MCCC2: variants seen among roughly 807,000 people sequenced by gnomAD.
MCCC2 encodes methylcrotonoyl-CoA carboxylase beta chain, mitochondrial.
Under a neutral mutation model 77.2 loss-of-function variants are expected in MCCC2, and 52 were observed. The observed-to-expected ratio is 0.67, with a 90% CI of 0.54 to 0.85. The LOEUF is 0.85. Ranked by LOEUF, MCCC2 falls within the 40% of genes least tolerant of loss-of-function variation. The pLI is 0.00. For missense variants in MCCC2, 682 were observed against 703.2 expected (o/e 0.97, Z 0.34); for synonymous variants, 253 against 248.4 (o/e 1.02, Z -0.18).
intron 6 of MCCC2, among the ~76,000 whole-genome samples, chr5:71,626,294 T>C (rs1439073962): frequency 1.3e-5 from 2 of 152,192 alleles, no homozygotes; most frequent in African/African-American, 2.4e-5. Flanking sequence ...TTATTAGACA[T>C]AAAAGTCATC....
At chr5:71,591,446 T>A (rs1744976673) in intron 1 of MCCC2, among the ~76,000 whole-genome samples, 1 of 150,228 alleles carries the variant, frequency 6.7e-6, no homozygotes, top group Non-Finnish European at 1.5e-5. Context: ...TTTTTTTTTT[T>A]TTTTTTTGAG....
chr5:71,587,478 C>T lies in MCCC2; in HGVS notation c.53C>T (p.Ala18Val). ...ALRPCARASPAGPRAYHGDSV... is the reference protein window; with the variant it reads ...ALRPCARASPVGPRAYHGDSV... ...CGGCCGTGTGCCCGCGCCTCTCCCG[C>T]CGGGCCGCGCGCCTATCACGGGGAC... The change falls in exon 1 of 17, where the codon GCC becomes GTC. Residue 18 changes from alanine to valine, a missense_variant. Physicochemically the swap from Ala to Val is moderately conservative, Grantham distance 64 (BLOSUM62 0). Transcript: ENST00000340941. The T allele has an allele frequency of 6.5e-7, 1 of 1,536,708 alleles. No homozygotes were observed. Among genetic ancestry groups the T allele is most frequent in the East Asian group, 2.4e-5 (1 of 40,972 alleles).
intron 8 of MCCC2, among the ~76,000 whole-genome samples, chr5:71,632,483 A>G (rs1746752016): frequency 6.6e-6 from 1 of 152,200 alleles, no homozygotes; most frequent in Non-Finnish European, 1.5e-5. Flanking sequence ...GGTAGATACT[A>G]TCTTTGACTT....
Position 71,649,183 on chromosome 5 carries a change from C to T in MCCC2, c.1303C>T (p.Pro435Ser). 1 of 1,614,148 alleles carries T rather than the reference C, an allele frequency of 6.2e-7. No homozygotes were observed. Among genetic ancestry groups the T allele is most frequent in the East Asian group, 2.2e-5 (1 of 44,886 alleles). Residue 435 changes from proline to serine, a missense_variant, in exon 14 of 17, where the codon CCT becomes TCT. Physicochemically the swap from Pro to Ser is moderately conservative, Grantham distance 74. Coordinates refer to ENST00000340941, the MANE Select transcript of MCCC2 (RefSeq NM_022132.5). ...GGCCGCTGTGGCCTGTGCCCAAGTG[C>T]CTAAGATAACCCTCATCATTGGGGG... is the stretch of plus-strand genomic sequence containing the variant. ...MVAAVACAQVPKITLIIGGSY... is the reference protein window; with the variant it reads ...MVAAVACAQVSKITLIIGGSY...
chr5:71,599,725 AGGT>A lies in MCCC2; in HGVS notation c.351_353del (p.Gly118del), dbSNP rs758794885. The A allele has an allele frequency of 3.7e-6, 6 of 1,614,074 alleles. No individual in the cohort carries two copies. The East Asian group carries it at 1.3e-4, about 36-fold the overall frequency. ...TATATGACAATGAGGAGGTGCCAGG[AGGT>A]GGCATTATTACAGGCATTGGAAGAG... On this transcript the variant is annotated inframe_deletion, in exon 4 of 17. Coordinates refer to ENST00000340941, the MANE Select transcript of MCCC2 (RefSeq NM_022132.5).
intron 10 of MCCC2, chr5:71,636,764 TC>T (rs1746946377): frequency 6.6e-6 from 1 of 151,952 alleles, no homozygotes; most frequent in African/African-American, 2.4e-5. Context: ...AATGAGTTGT[TC>T]CAGGTAGCCA....
chr5:71,612,348 T>C (rs750012954), intron 6 of MCCC2, among the ~76,000 whole-genome samples: 33 of 152,246 alleles, frequency 2.2e-4, no homozygotes, highest in Non-Finnish European at 4.7e-4. Context: ...TTGATTTTTC[T>C]ATCAACATAG....
intron 6 of MCCC2, among the ~76,000 whole-genome samples, chr5:71,614,077 C>T (rs1036832890): frequency 6.7e-6 from 1 of 149,116 alleles, no homozygotes; most frequent in African/African-American, 2.5e-5. Context: ...TGAGCTACTT[C>T]TCTTAGCCTT....
intron 6 of MCCC2, among the ~76,000 whole-genome samples, chr5:71,623,730 TG>T (rs1425593226): frequency 7.2e-5 from 11 of 152,330 alleles, no homozygotes; most frequent in African/African-American, 2.4e-4. Flanking sequence ...TTTAAAAGCC[TG>T]GTTACCAGAA....
chr5:71,634,697 T>G (rs1288018005), intron 8 of MCCC2, among the ~76,000 whole-genome samples: 1 of 152,190 alleles, frequency 6.6e-6, no homozygotes. Context: ...ACTTGTGGTC[T>G]TAGGTGAAGG....
At chr5:71,644,020 T>C in intron 12 of MCCC2, 125 bp downstream of exon 12, 2 of 1,104,684 alleles carry the variant, frequency 1.8e-6, no homozygotes, top group Non-Finnish European at 2.6e-6. Context: ...ACCAGAACAC[T>C]GTGTGCGCGG....
In MCCC2 at chr5:71,650,103, A is replaced by G. The variant is rs777662206; in HGVS notation, c.1408A>G (p.Ile470Val). The change falls in exon 15 of 17, where the codon ATC becomes GTC. Residue 470 changes from isoleucine to valine, a missense_variant. Ile to Val is a conservative substitution (Grantham distance 29). Coordinates refer to ENST00000340941, the MANE Select transcript of MCCC2 (RefSeq NM_022132.5). ...TCTCTACATTTGGCCAAATGCTCGT[A>G]TCTCAGTGATGGGAGGAGAGCAGGC... ...RFLYIWPNAR[I>V]SVMGGEQAAN... The G allele has an allele frequency of 3.1e-6, 5 of 1,614,192 alleles. No homozygotes were observed. The South Asian group carries it at 5.5e-5, about 18-fold the overall frequency.
chr5:71,636,363 T>C (rs1419777994), intron 10 of MCCC2: 1 of 164,940 alleles, frequency 6.1e-6, no homozygotes, highest in African/African-American at 2.4e-5. Context: ...GTTTAACTTT[T>C]AATTAATTAT....
chr5:71,615,566 C>T (rs1198825297), intron 6 of MCCC2, among the ~76,000 whole-genome samples: 2 of 152,124 alleles, frequency 1.3e-5, no homozygotes, highest in Non-Finnish European at 2.9e-5. Flanking sequence ...GTTCTGCTTT[C>T]TCAGTCAATT....
Position 71,596,319 on chromosome 5 carries a change from G to A in MCCC2, c.236G>A (p.Gly79Glu). The change falls in exon 3 of 17, where the codon GGA (glycine) becomes GAA (glutamate). Residue 79 changes from glycine (G) to glutamate (E), a missense_variant. Transcript: ENST00000340941. ...GCCCGAGCACTTCACATATCAAGAG[G>A]AAAACTATTGCCCAGAGAAAGAATT... ...EKARALHISR[G>E]KLLPRERIDN... is the part of the protein sequence containing the mutation. The A allele has an allele frequency of 6.2e-7, 1 of 1,614,116 alleles. No individual in the cohort carries two copies. The highest frequency in any genetic ancestry group is 8.5e-7 in the Non-Finnish European group (1 of 1,180,018).
chr5:71,596,113 A>G (rs917191891), intron 2 of MCCC2, among the ~76,000 whole-genome samples, 167 bp from the exon 3 acceptor site: 3 of 152,150 alleles, frequency 2.0e-5, no homozygotes, highest in Non-Finnish European at 2.9e-5. Context: ...CATTTACTTC[A>G]GAAAATTGGC....
At chr5:71,612,940 G>A (rs569641786) in intron 6 of MCCC2, among the ~76,000 whole-genome samples, 5 of 152,308 alleles carry the variant, frequency 3.3e-5, no homozygotes, top group South Asian at 4.1e-4. Context: ...AGGCAGCAGC[G>A]GGGCTGTGCT....
chr5:71,609,651 T>G (rs892598426), intron 6 of MCCC2, among the ~76,000 whole-genome samples: 2 of 151,436 alleles, frequency 1.3e-5, no homozygotes, highest in Admixed American at 6.6e-5. Flanking sequence ...GCTCTGCGTT[T>G]TAGAGTTTCC....
At chr5:71,646,028 C>T (rs1349285194) in intron 12 of MCCC2, among the ~76,000 whole-genome samples, 183 bp from the exon 13 acceptor site, 1 of 150,882 alleles carries the variant, frequency 6.6e-6, no homozygotes, top group Non-Finnish European at 1.5e-5. Context: ...TGCCACTGTA[C>T]TCCAGCCTGG....
Sources: allele counts gnomAD v4.1 joint callset (sites outside exome capture counted in the v4.1 genomes callset), GRCh38; gene constraint gnomAD v4.1.1; transcripts MANE v1.5; gene names NCBI Gene and HGNC (gene_info 2026-07-23, HGNC 2026-07-21).